CD109: variants seen among roughly 807,000 people sequenced by gnomAD.
CD109 encodes the protein CD109 molecule, also known as CD109 antigen.
In CD109, 149 loss-of-function variants were observed where a neutral mutation model predicts 165.8. That is an observed-to-expected ratio of 0.90 (90% CI 0.79 to 1.03). The LOEUF (loss-of-function observed/expected upper bound fraction) is 1.03. CD109 is among the 50% of genes least tolerant of loss of function. The pLI is 0.00. For synonymous variants in CD109, 585 were observed against 592.1 expected (o/e 0.99, Z 0.18); for missense variants, 1,712 against 1,677.8 (o/e 1.02, Z -0.36).
chr6:73,790,284 C>T (rs1044843348), intron 22 of CD109, among the ~76,000 whole-genome samples: 8 of 148,518 alleles, frequency 5.4e-5, no homozygotes, highest in South Asian at 2.1e-4. Context: ...TCATTAGAGA[C>T]GGGATTTCAC....
chr6:73,718,924 C>T (rs1771843333), intron 2 of CD109, among the ~76,000 whole-genome samples: 1 of 152,074 alleles, frequency 6.6e-6, no homozygotes, highest in South Asian at 2.1e-4. Flanking sequence ...TCCCCGTGAC[C>T]AGTTCTGTCC....
At chr6:73,702,773 T>C (rs933574317) in intron 2 of CD109, among the ~76,000 whole-genome samples, 3 of 152,214 alleles carry the variant, frequency 2.0e-5, no homozygotes, top group Non-Finnish European at 4.4e-5. Context: ...TACAATTATA[T>C]GGATATTGTG....
chr6:73,809,635 GT>G (rs1298510734), intron 26 of CD109, among the ~76,000 whole-genome samples: 1 of 152,066 alleles, frequency 6.6e-6, no homozygotes, highest in African/African-American at 2.4e-5. Flanking sequence ...TGCTCAAAAA[GT>G]TTCAGATTTT....
At chr6:73,780,649 A>G in intron 16 of CD109, 151 bp downstream of exon 16, 1 of 545,254 alleles carries the variant, frequency 1.8e-6, no homozygotes, top group Non-Finnish European at 3.2e-6. Context: ...ATGAAAAGAT[A>G]ATCATCTTTC....
intron 17 of CD109, 62 bp from the exon 18 acceptor site, chr6:73,782,552 G>T: frequency 6.7e-7 from 1 of 1,483,220 alleles, no homozygotes; most frequent in Non-Finnish European, 9.3e-7. Flanking sequence ...TTTGTATGTG[G>T]AGTTTACAAT....
intron 23 of CD109, among the ~76,000 whole-genome samples, chr6:73,802,305 A>ATATATATATATATTTTTT (rs1554183463): frequency 1.1e-4 from 5 of 47,608 alleles, no homozygotes; most frequent in African/African-American, 4.3e-4. Flanking sequence ...ATATATATAT[A>ATATATATATATATTTTTT]TTTTTTTTTT....
chr6:73,760,406 CAAAAAAAA>C (rs35181896), intron 7 of CD109, among the ~76,000 whole-genome samples: 1 of 16,596 alleles, frequency 6.0e-5, no homozygotes, highest in Non-Finnish European at 1.3e-4. Context: ...GACCCCGTCT[CAAAAAAAA>C]AAAAAAAAAA....
chr6:73,713,164 A>T (rs1282919765), intron 2 of CD109, among the ~76,000 whole-genome samples: 5 of 152,160 alleles, frequency 3.3e-5, no homozygotes, highest in Non-Finnish European at 7.4e-5. Context: ...AATAAGTCCT[A>T]TGCTAGGACT....
At chr6:73,783,502 G>T (rs1774579830) in intron 18 of CD109, among the ~76,000 whole-genome samples, 1 of 152,176 alleles carries the variant, frequency 6.6e-6, no homozygotes, top group South Asian at 2.1e-4. Context: ...TCAATATGCA[G>T]TATTATGACC....
intron 2 of CD109, among the ~76,000 whole-genome samples, chr6:73,719,394 A>G (rs1320924997): frequency 6.6e-6 from 1 of 152,174 alleles, no homozygotes; most frequent in African/African-American, 2.4e-5. Flanking sequence ...TATTTTTGTG[A>G]TAGTTGTGAA....
Position 73,771,513 on chromosome 6 carries a change from G to A in CD109, c.1759G>A (p.Val587Ile). The A allele has an allele frequency of 6.2e-7, 1 of 1,611,166 alleles. No homozygotes were observed. The highest frequency in any genetic ancestry group is 8.5e-7 in the Non-Finnish European group (1 of 1,178,596). ...CTCTGTGACACAGCCTGACTCCATA[G>A]TTGGGATTGTAGCTGTTGACAAAAG... Reference protein sequence around the residue: ...RISVTQPDSIVGIVAVDKSVN... With the variant: ...RISVTQPDSIIGIVAVDKSVN... The change falls in exon 15 of 33, where the codon GTT becomes ATT. Residue 587 changes from valine (V) to isoleucine (I), a missense_variant. Physicochemically the swap from Val to Ile is conservative, Grantham distance 29 (BLOSUM62 3). Coordinates refer to ENST00000287097, the MANE Select transcript of CD109 (RefSeq NM_133493.5).
intron 2 of CD109, among the ~76,000 whole-genome samples, chr6:73,718,910 T>A (rs1771842689): frequency 6.6e-6 from 1 of 152,168 alleles, no homozygotes; most frequent in Non-Finnish European, 1.5e-5. Context: ...ATTTAAGTCT[T>A]CTATCCCCGT....
chr6:73,790,812 A>G (rs1210652642), intron 22 of CD109, among the ~76,000 whole-genome samples: 4 of 152,088 alleles, frequency 2.6e-5, no homozygotes, highest in African/African-American at 9.7e-5. Flanking sequence ...CCACCAATTC[A>G]AATGCTAATG....
At chr6:73,774,927 G>T (rs990919594) in intron 15 of CD109, among the ~76,000 whole-genome samples, 18 of 150,868 alleles carry the variant, frequency 1.2e-4, no homozygotes, top group African/African-American at 4.4e-4. Context: ...TGTCATAGTA[G>T]ACTGTTTTGG....
intron 24 of CD109, among the ~76,000 whole-genome samples, chr6:73,806,463 TAACA>T (rs1223224929): frequency 2.0e-5 from 3 of 152,178 alleles, no homozygotes; most frequent in Non-Finnish European, 4.4e-5. Context: ...TACACATATG[TAACA>T]AACCTGCACG....
At chr6:73,689,399 T>C in the CD109 span, among the ~76,000 whole-genome samples, 2 of 152,186 alleles carry the variant, frequency 1.3e-5, no homozygotes, top group Non-Finnish European at 2.9e-5. Context: ...TGGGATTGAA[T>C]TGACTTAGAG....
chr6:73,818,700 C>G (rs374138146), intron 31 of CD109, among the ~76,000 whole-genome samples, 165 bp downstream of exon 31: 1 of 152,102 alleles, frequency 6.6e-6, no homozygotes, highest in South Asian at 2.1e-4. Flanking sequence ...ATTAGAAAGA[C>G]ATAAGTATAA....
At chr6:73,766,927 T>G in intron 12 of CD109, 21 bp from the exon 13 acceptor site, 2 of 1,612,476 alleles carry the variant, frequency 1.2e-6, no homozygotes, top group Non-Finnish European at 1.7e-6. Context: ...TATGTACATA[T>G]TAATTAAGGT....
At chr6:73,753,915 T>C (rs972703632) in intron 5 of CD109, among the ~76,000 whole-genome samples, 13 of 152,364 alleles carry the variant, frequency 8.5e-5, no homozygotes, top group African/African-American at 3.1e-4. Flanking sequence ...TTTATACTTA[T>C]GTTTATTCAA....
Sources: allele counts gnomAD v4.1 joint callset (sites outside exome capture counted in the v4.1 genomes callset), GRCh38; gene constraint gnomAD v4.1.1; transcripts MANE v1.5; gene names NCBI Gene and HGNC (gene_info 2026-07-23, HGNC 2026-07-21).